Variants in ELMO1 observed in about 807,000 individuals in gnomAD.
ELMO1 encodes engulfment and cell motility protein 1.
Under a neutral mutation model 98.9 loss-of-function variants are expected in ELMO1, and 26 were observed. The ratio of observed to expected loss-of-function variants is 0.26; its 90% CI spans 0.19 to 0.36. The LOEUF is 0.36. Ranked by LOEUF, ELMO1 falls within the 10% of genes least tolerant of loss-of-function variation. The pLI is 1.00. For missense variants in ELMO1, 627 were observed against 935.2 expected (o/e 0.67, Z 4.30); for synonymous variants, 346 against 346.0 (o/e 1.00, Z 0.00).
intron 1 of ELMO1, among the ~76,000 whole-genome samples, chr7:37,372,885 C>A (rs947890730): frequency 2.6e-5 from 4 of 152,146 alleles, no homozygotes; most frequent in African/African-American, 9.7e-5. Context: ...CAGAAGGGAA[C>A]AATTATCATG....
intron 17 of ELMO1, among the ~76,000 whole-genome samples, chr7:36,888,525 T>A (rs1805248325): frequency 6.6e-6 from 1 of 152,048 alleles, no homozygotes; most frequent in African/African-American, 2.4e-5. Flanking sequence ...AAGACTAGAG[T>A]TTCAGTCTAG....
At chr7:37,317,209 T>C (rs1173923083) in intron 2 of ELMO1, among the ~76,000 whole-genome samples, 3 of 152,206 alleles carry the variant, frequency 2.0e-5, no homozygotes, top group Non-Finnish European at 2.9e-5. Flanking sequence ...ACCGTTTGTA[T>C]AGTCCTCTCC....
intron 14 of ELMO1, among the ~76,000 whole-genome samples, chr7:37,109,616 C>T (rs1785132528): frequency 6.6e-6 from 1 of 152,130 alleles, no homozygotes; most frequent in African/African-American, 2.4e-5. Flanking sequence ...CTCAGCATTC[C>T]ATGTTGGAGT....
At chr7:37,132,723 C>A (rs1205773709) in intron 14 of ELMO1, among the ~76,000 whole-genome samples, 1 of 152,150 alleles carries the variant, frequency 6.6e-6, no homozygotes, top group African/African-American at 2.4e-5. Flanking sequence ...CTGCCTTCCC[C>A]ATCTCTCCCA....
intron 15 of ELMO1, 91 bp downstream of exon 15, chr7:37,096,528 A>G: frequency 9.4e-7 from 1 of 1,068,014 alleles, no homozygotes; most frequent in Non-Finnish European, 1.4e-6. Context: ...AGCTGTCGGC[A>G]TCTTGGGATT....
intron 15 of ELMO1, among the ~76,000 whole-genome samples, chr7:37,046,304 G>T (rs1795793151): frequency 6.6e-6 from 1 of 152,188 alleles, no homozygotes; most frequent in South Asian, 2.1e-4. Flanking sequence ...ACACATATAA[G>T]TAAGTCAGAA....
At chr7:37,376,045 A>G in intron 1 of ELMO1, 1 of 414,064 alleles carries the variant, frequency 2.4e-6, no homozygotes, top group South Asian at 2.2e-5. Context: ...ATTATTTCAC[A>G]TTGAATAAAC....
At chr7:37,239,697 G>GGAA (rs139327607) in intron 7 of ELMO1, among the ~76,000 whole-genome samples, 12,459 of 152,234 alleles carry the variant, frequency 0.082, 811 homozygotes, top group Admixed American at 0.17. Context: ...GAAGGGAAGG[G>GGAA]GAAGAAGCAA....
At position 36,895,036 on chromosome 7, in the gene ELMO1, C is replaced by T. The variant is rs1805882105; in HGVS notation, c.1438-19G>A. 4 of 1,611,088 alleles carry T rather than the reference C, an allele frequency of 2.5e-6. No individual in the cohort carries two copies. Among genetic ancestry groups the T allele is most frequent in the Middle Eastern group, 3.9e-4 (2 of 5,118 alleles). On this transcript the variant is annotated intron_variant, in intron 16 of 21. Coordinates refer to ENST00000310758, the MANE Select transcript of ELMO1 (RefSeq NM_014800.11). ...GCATTACCTGAAGATGAAAGGAAGA[C>T]CATCATTTTCCTGGGGGCTGACCTT...
rs1461933131 is a variant in ELMO1, at chr7:37,342,786, GA to G, written c.-73-24del. On this transcript the variant is annotated intron_variant, in intron 1 of 21. Transcript: ENST00000310758. The surrounding 1 kb of genome is among the most constrained non-coding windows in gnomAD (Gnocchi z 4.3). Reference sequence around the variant, plus strand: ...TACCTAATGAGGAATGACAGAAAAAGAAAGAGAAGTCACTCAGTGCAGATGC... The same window carrying G: ...TACCTAATGAGGAATGACAGAAAAAGAAGAGAAGTCACTCAGTGCAGATGC... 3.4e-5 allele frequency: 39 copies of G among 1,150,052 alleles called. No homozygotes were observed. Among genetic ancestry groups the G allele is most frequent in the Non-Finnish European group, 3.7e-6 (3 of 803,878 alleles). 71.2% of individuals were successfully genotyped at this position (1,150,052 alleles called of 1,614,324 possible). A position where few individuals can be genotyped will look rare whatever the true frequency, so the allele number is the denominator to read the frequency against.
chr7:37,188,320 CTCCACTA>C (rs1362382717), intron 13 of ELMO1, among the ~76,000 whole-genome samples: 2 of 151,630 alleles, frequency 1.3e-5, no homozygotes, highest in African/African-American at 2.4e-5. Context: ...AACTGGATTA[CTCCACTA>C]TCCTTCATTA....
At chr7:37,101,586 G>C (rs1784643864) in intron 14 of ELMO1, among the ~76,000 whole-genome samples, 2 of 152,118 alleles carry the variant, frequency 1.3e-5, no homozygotes, top group Admixed American at 1.3e-4. Context: ...AACAGTTCCA[G>C]GTGCAGGGGC....
At chr7:37,206,832 TA>T (rs560316269) in intron 13 of ELMO1, among the ~76,000 whole-genome samples, 88 of 142,034 alleles carry the variant, frequency 6.2e-4, no homozygotes, top group Middle Eastern at 7.1e-3. Context: ...TTTCTTTTTT[TA>T]AAAAAAAAAA....
intron 2 of ELMO1, among the ~76,000 whole-genome samples, chr7:37,318,083 G>C (rs1266796595): frequency 6.6e-6 from 1 of 152,216 alleles, no homozygotes; most frequent in East Asian, 1.9e-4. Flanking sequence ...AGAATAAGAT[G>C]ACAATGGCAA....
intron 4 of ELMO1, among the ~76,000 whole-genome samples, chr7:37,309,836 T>A (rs1395589238): frequency 6.6e-6 from 1 of 152,210 alleles, no homozygotes; most frequent in African/African-American, 2.4e-5. Flanking sequence ...TTTGATTCCC[T>A]CCCAGGCCTT....
chr7:37,398,740 G>C (rs1389063000), intron 1 of ELMO1, among the ~76,000 whole-genome samples: 1 of 152,178 alleles, frequency 6.6e-6, no homozygotes, highest in African/African-American at 2.4e-5. Context: ...ATGGAGAGAA[G>C]GATAACTTCA....
At chr7:37,112,585 C>T (rs1292839973) in intron 14 of ELMO1, among the ~76,000 whole-genome samples, 1 of 152,178 alleles carries the variant, frequency 6.6e-6, no homozygotes, top group East Asian at 1.9e-4. Flanking sequence ...ACCAGTGTTA[C>T]AGAGCAGCAT....
intron 15 of ELMO1, among the ~76,000 whole-genome samples, chr7:37,074,986 C>T (rs1797486624): frequency 6.6e-6 from 1 of 152,018 alleles, no homozygotes; most frequent in Non-Finnish European, 1.5e-5. Context: ...TAGTCGGAAC[C>T]CTGAAATTGC....
intron 15 of ELMO1, among the ~76,000 whole-genome samples, chr7:37,093,782 T>C (rs902437898): frequency 6.6e-6 from 1 of 152,230 alleles, no homozygotes; most frequent in African/African-American, 2.4e-5. Context: ...ACAACTCATC[T>C]GGGCATGTAG....
Sources: gnomAD v4.1 joint callset for allele counts (sites outside exome capture counted in the v4.1 genomes callset) on GRCh38, gnomAD v4.1.1 for gene constraint, Gnocchi (gnomAD v3.1) non-coding constraint, MANE v1.5 for transcripts, NCBI Gene and HGNC (gene_info 2026-07-23, HGNC 2026-07-21) for gene names.